PPP1R12A: variants seen among roughly 807,000 people sequenced by gnomAD.
PPP1R12A encodes the protein protein phosphatase 1 regulatory subunit 12A, also known as myosin binding subunit.
Under a neutral mutation model 139.6 loss-of-function variants are expected in PPP1R12A, and 19 were observed. The observed-to-expected ratio is 0.14, with a 90% CI of 0.09 to 0.20. The LOEUF (loss-of-function observed/expected upper bound fraction) is 0.20, where lower values mean the gene tolerates loss of function less well. Ranked by LOEUF, PPP1R12A falls within the 10% of genes least tolerant of loss-of-function variation. The pLI, the probability that PPP1R12A is intolerant of heterozygous loss-of-function variation, is 1.00. For missense variants in PPP1R12A, 925 were observed against 1,211.5 expected, an observed-to-expected ratio of 0.76 and a Z score of 3.51; for synonymous variants, 427 against 420.6, an observed-to-expected ratio of 1.02 and a Z score of -0.19.
chr12:79,835,010 T>A (rs1431561427), intron 3 of PPP1R12A, among the ~76,000 whole-genome samples: 3 of 152,136 alleles, frequency 2.0e-5, no homozygotes, highest in Non-Finnish European at 2.9e-5. Context: ...CAGAGGAAAG[T>A]GACATGGGAG....
In PPP1R12A at chr12:79,775,193, G is replaced by A. The variant is rs1869600975; in HGVS notation, c.*736C>T. On this transcript the variant is annotated 3_prime_UTR_variant, in exon 25 of 25. Coordinates refer to ENST00000450142, the MANE Select transcript of PPP1R12A (RefSeq NM_002480.3). ...CAATAAAAAAAAAGTGACCAATGAA[G>A]CAGAAAATAGGAATTAAAAGATCTA... is the stretch of plus-strand genomic sequence containing the variant. The A allele has an allele frequency of 6.6e-6, 1 of 152,404 alleles. No individual in the cohort carries two copies. The highest frequency in any genetic ancestry group is 2.4e-5 in the African/African-American group (1 of 41,396). 9.4% of individuals were successfully genotyped at this position (152,404 alleles called of 1,614,324 possible). A position where few individuals can be genotyped will look rare whatever the true frequency, so the allele number is the denominator to read the frequency against.
chr12:79,878,296 A>C (rs1009263820), intron 1 of PPP1R12A: 1 of 152,098 alleles, frequency 6.6e-6, no homozygotes, highest in African/African-American at 2.4e-5. Context: ...TGCCTCCTGA[A>C]GTTCCACATA....
chr12:79,882,550 A>C (rs1883733136), intron 1 of PPP1R12A, among the ~76,000 whole-genome samples: 1 of 152,168 alleles, frequency 6.6e-6, no homozygotes, highest in Non-Finnish European at 1.5e-5. Context: ...CTTGAGAGGG[A>C]ATCTACTCCT....
rs369136626 is a variant in PPP1R12A at position 79,835,255 on chromosome 12, C to T, written c.488-2764G>A. The stretch of plus-strand genomic sequence containing the variant: ...GAGCTGTCAGGCGTGACAGGCACTG[C>T]AGTGTCAGTTTCCCAGCTTCTAGGG... On this transcript the variant is annotated intron_variant, in intron 3 of 24. Transcript: ENST00000450142. Among the ~76,000 whole-genome samples, 17 of 152,282 alleles carry T rather than the reference C, an allele frequency of 1.1e-4. No individual in the cohort carries two copies. In the East Asian group the frequency reaches 1.7e-3, roughly 16 times the overall value.
At position 79,773,651 on chromosome 12, in the gene PPP1R12A, T is replaced by C. The variant is rs1207859736; in HGVS notation, c.*2278A>G. The C allele has an allele frequency of 6.6e-6, 1 of 152,210 alleles. No homozygotes were observed. The highest frequency in any genetic ancestry group is 2.4e-5 in the African/African-American group (1 of 41,452). 9.4% of individuals were successfully genotyped at this position (152,210 alleles called of 1,614,324 possible). On this transcript the variant is annotated 3_prime_UTR_variant, in exon 25 of 25. Transcript: ENST00000450142. Reference sequence around the variant, plus strand: ...GATTGCATAAATATGGCAATTAAGATTGCATTTACAGATGTGCATGTACAA... The same window carrying C: ...GATTGCATAAATATGGCAATTAAGACTGCATTTACAGATGTGCATGTACAA...
At chr12:79,790,431 G>GA in intron 20 of PPP1R12A, 36 bp downstream of exon 20, 4 of 1,228,332 alleles carry the variant, frequency 3.3e-6, no homozygotes, top group Admixed American at 2.9e-5. Context: ...ATAAAAATAA[G>GA]AAAAAAATGT....
At chr12:79,831,843 T>C (rs1877467626) in intron 4 of PPP1R12A, among the ~76,000 whole-genome samples, 1 of 152,220 alleles carries the variant, frequency 6.6e-6, no homozygotes, top group East Asian at 1.9e-4. Context: ...AAGTTGCTTA[T>C]GGCTTAATAT....
At chr12:79,793,470 C>T (rs552613073) in intron 19 of PPP1R12A, among the ~76,000 whole-genome samples, 2 of 152,280 alleles carry the variant, frequency 1.3e-5, no homozygotes, top group Non-Finnish European at 2.9e-5. Context: ...TTCTGGATTT[C>T]CACTACTTCT....
At chr12:79,812,379 A>C (rs1470489746) in intron 9 of PPP1R12A, among the ~76,000 whole-genome samples, 1 of 24,212 alleles carries the variant, frequency 4.1e-5, no homozygotes, top group African/African-American at 1.1e-4. Context: ...TTCTTGACTG[A>C]CTCTGTGTGT....
chr12:79,820,755 AT>A lies in PPP1R12A; in HGVS notation c.1114+18del. ...CTGCCACAAAATTCAACGAAAATGCATTTATCTTTTAATTTTACCTGTTTCA... is the reference window on the plus strand; with the variant it reads ...CTGCCACAAAATTCAACGAAAATGCATTATCTTTTAATTTTACCTGTTTCA... On this transcript the variant is annotated intron_variant, in intron 8 of 24. Transcript: ENST00000450142. The A allele has an allele frequency of 6.2e-7, 1 of 1,605,298 alleles. No homozygotes were observed. Among genetic ancestry groups the A allele is most frequent in the Non-Finnish European group, 8.5e-7 (1 of 1,176,762 alleles).
intron 1 of PPP1R12A, among the ~76,000 whole-genome samples, chr12:79,906,958 C>A (rs1182148840): frequency 6.6e-6 from 1 of 152,120 alleles, no homozygotes; most frequent in Non-Finnish European, 1.5e-5. Flanking sequence ...CCGCATCCGG[C>A]CTACAAATTG....
chr12:79,916,273 T>G (rs890706247), intron 1 of PPP1R12A, among the ~76,000 whole-genome samples: 3 of 152,184 alleles, frequency 2.0e-5, no homozygotes, highest in African/African-American at 2.4e-5. Flanking sequence ...TTTATAAATT[T>G]TAAAAGTCCT....
intron 1 of PPP1R12A, among the ~76,000 whole-genome samples, chr12:79,919,071 A>G (rs1475142778): frequency 1.3e-5 from 2 of 151,974 alleles, no homozygotes; most frequent in Non-Finnish European, 1.5e-5. Flanking sequence ...AGCTGAGATC[A>G]CGCCACTGTA....
rs181693241 is a variant in PPP1R12A at position 79,905,632 on chromosome 12, A to G, written c.237+29063T>C. Among the ~76,000 whole-genome samples the G allele has an allele frequency of 1.8e-4, 27 of 152,308 alleles. No individual in the cohort carries two copies. The East Asian group carries it at 5.2e-3, about 29-fold the overall frequency. On this transcript the variant is annotated intron_variant, in intron 1 of 24. Transcript: ENST00000450142. Reference sequence around the variant, plus strand: ...AAATTTGAGTCATTTATTTGGTATCATAACTATCTTTCCAATTACGCATAT... The same window carrying G: ...AAATTTGAGTCATTTATTTGGTATCGTAACTATCTTTCCAATTACGCATAT...
chr12:79,922,375 T>G (rs1033564705), intron 1 of PPP1R12A, among the ~76,000 whole-genome samples: 1 of 152,176 alleles, frequency 6.6e-6, no homozygotes, highest in Non-Finnish European at 1.5e-5. Flanking sequence ...ACTTTCACGG[T>G]TAGTTTTCCA....
intron 9 of PPP1R12A, among the ~76,000 whole-genome samples, chr12:79,814,049 A>G (rs1270920272): frequency 6.6e-6 from 1 of 152,234 alleles, no homozygotes; most frequent in Non-Finnish European, 1.5e-5. Flanking sequence ...GTTTAAGGAA[A>G]TTTAATGTTA....
At chr12:79,894,343 G>C (rs1884935899) in intron 1 of PPP1R12A, among the ~76,000 whole-genome samples, 1 of 152,140 alleles carries the variant, frequency 6.6e-6, no homozygotes, top group Admixed American at 6.6e-5. Context: ...CAGAGTAAAA[G>C]ACAGCTAGTT....
chr12:79,825,809 A>C (rs1876687055), intron 5 of PPP1R12A, among the ~76,000 whole-genome samples: 1 of 152,034 alleles, frequency 6.6e-6, no homozygotes, highest in Non-Finnish European at 1.5e-5. Flanking sequence ...AAGACAAAGT[A>C]ATTTATTTTG....
intron 14 of PPP1R12A, among the ~76,000 whole-genome samples, chr12:79,803,308 T>A (rs891638008): frequency 2.0e-5 from 3 of 152,174 alleles, no homozygotes; most frequent in Admixed American, 6.5e-5. Context: ...AAAAATAATT[T>A]ATATATTTTA....
Sources: gnomAD v4.1 joint callset for allele counts (sites outside exome capture counted in the v4.1 genomes callset) on GRCh38, gnomAD v4.1.1 for gene constraint, MANE v1.5 for transcripts, NCBI Gene and HGNC (gene_info 2026-07-23, HGNC 2026-07-21) for gene names.